Variants in SH3RF3 observed in about 807,000 individuals in gnomAD.
SH3RF3 encodes the protein SH3 domain containing ring finger 3.
In SH3RF3, 29 loss-of-function variants were observed where a neutral mutation model predicts 66.3. That is an observed-to-expected ratio of 0.44 (90% CI 0.33 to 0.60). The LOEUF (loss-of-function observed/expected upper bound fraction) is 0.60, where lower values mean the gene tolerates loss of function less well. Ranked by LOEUF, SH3RF3 falls within the 20% of genes least tolerant of loss-of-function variation. The probability of loss-of-function intolerance (pLI) is 0.04; values close to 1 mark genes in which losing one functional copy is unlikely to be tolerated. For missense variants in SH3RF3, 1,194 were observed against 1,190.9 expected (o/e 1.00, Z -0.04); for synonymous variants, 583 against 532.0 (o/e 1.10, Z -1.32).
intron 1 of SH3RF3, among the ~76,000 whole-genome samples, chr2:109,327,777 A>C (rs927912915): frequency 3.9e-5 from 6 of 152,282 alleles, no homozygotes; most frequent in Non-Finnish European, 7.3e-5. Context: ...CTACTTGTGC[A>C]TGGTAGATAG....
intron 9 of SH3RF3, among the ~76,000 whole-genome samples, chr2:109,494,957 C>T (rs1679221700): frequency 6.6e-6 from 1 of 152,096 alleles, no homozygotes; most frequent in African/African-American, 2.4e-5. Context: ...GTACTGTGAG[C>T]AGCAATCTGG....
intron 4 of SH3RF3, among the ~76,000 whole-genome samples, chr2:109,405,671 A>C (rs1045216421): frequency 6.6e-6 from 1 of 152,136 alleles, no homozygotes; most frequent in Admixed American, 6.5e-5. Flanking sequence ...ACCATCTGAC[A>C]TGTTCACCTC....
chr2:109,366,012 A>G (rs960155547), intron 2 of SH3RF3, among the ~76,000 whole-genome samples: 5 of 152,242 alleles, frequency 3.3e-5, no homozygotes, highest in Non-Finnish European at 5.9e-5. Context: ...TCTGGCATAT[A>G]AGACAATTCT....
chr2:109,303,262 C>T (rs1681513407), intron 1 of SH3RF3, among the ~76,000 whole-genome samples: 1 of 152,230 alleles, frequency 6.6e-6, no homozygotes, highest in Non-Finnish European at 1.5e-5. Flanking sequence ...GACCACCTCC[C>T]TCACATATGC....
At chr2:109,493,204 T>C (rs1679176970) in intron 9 of SH3RF3, among the ~76,000 whole-genome samples, 1 of 148,994 alleles carries the variant, frequency 6.7e-6, no homozygotes, top group Admixed American at 6.7e-5. Flanking sequence ...ACATATATCA[T>C]ATAAACACTC....
intron 1 of SH3RF3, among the ~76,000 whole-genome samples, chr2:109,228,525 C>T (rs193236461): frequency 2.0e-5 from 3 of 152,136 alleles, no homozygotes; most frequent in Non-Finnish European, 4.4e-5. Flanking sequence ...CAGTTCTGAC[C>T]CCTTCCATGT....
rs1683162872 is a variant in SH3RF3 at position 109,367,021 on chromosome 2, T to TTGGTTCACTGCAACTTTCACCTCC, written c.850-4557_850-4534dup. On this transcript the variant is annotated intron_variant, in intron 2 of 9. Coordinates refer to ENST00000309415, the MANE Select transcript of SH3RF3 (RefSeq NM_001099289.3). ...CAGGCTGGAGTGGAGTGGCATGATC[T>TTGGTTCACTGCAACTTTCACCTCC]TGGTTCACTGCAACTTTCACCTCCT... 3.9e-5 allele frequency among the ~76,000 whole-genome samples: 6 copies of TTGGTTCACTGCAACTTTCACCTCC among 152,228 alleles called. No individual in the cohort carries two copies. The South Asian group carries it at 1.2e-3, about 32-fold the overall frequency.
At chr2:109,474,685 CT>C (rs995287928) in intron 8 of SH3RF3, among the ~76,000 whole-genome samples, 2 of 152,238 alleles carry the variant, frequency 1.3e-5, no homozygotes, top group Non-Finnish European at 2.9e-5. Flanking sequence ...CAGCCCCTTA[CT>C]TTTCTCCAAA....
At chr2:109,447,402 A>C (rs1305195565) in intron 7 of SH3RF3, among the ~76,000 whole-genome samples, 1 of 152,186 alleles carries the variant, frequency 6.6e-6, no homozygotes, top group Non-Finnish European at 1.5e-5. Context: ...TGTTAGGATT[A>C]ACGAGTGCAT....
At chr2:109,434,492 G>A (rs1053890475) in intron 6 of SH3RF3, among the ~76,000 whole-genome samples, 8 of 152,228 alleles carry the variant, frequency 5.3e-5, no homozygotes, top group South Asian at 2.1e-4. Context: ...AACTCCTGAC[G>A]TGTGTCAGTC....
chr2:109,481,816 A>C (rs1159234406), intron 8 of SH3RF3, among the ~76,000 whole-genome samples: 1 of 151,928 alleles, frequency 6.6e-6, no homozygotes, highest in African/African-American at 2.4e-5. Flanking sequence ...TCCTGTCTTG[A>C]GGAAGCCCAG....
intron 1 of SH3RF3, among the ~76,000 whole-genome samples, chr2:109,247,383 C>G (rs574290610): frequency 6.6e-6 from 1 of 152,322 alleles, no homozygotes; most frequent in African/African-American, 2.4e-5. Flanking sequence ...CCTAAGTAAC[C>G]TAGCACACTT....
At position 109,245,673 on chromosome 2, in the gene SH3RF3, T is replaced by A. The variant is rs947199621; in HGVS notation, c.574-102001T>A. ...CTTCTTATCCCTTGAACTGAGACCA[T>A]ATTTGTTAAGATTTCTCTCTGAAAT... On this transcript the variant is annotated intron_variant, in intron 1 of 9. Transcript: ENST00000309415. 4.6e-5 allele frequency among the ~76,000 whole-genome samples: 7 copies of A among 152,212 alleles called. 1 individual carries two copies. The highest frequency in any genetic ancestry group is 1.7e-4 in the African/African-American group (7 of 41,456).
At chr2:109,353,869 G>A (rs1682890933) in intron 2 of SH3RF3, among the ~76,000 whole-genome samples, 1 of 152,112 alleles carries the variant, frequency 6.6e-6, no homozygotes, top group African/African-American at 2.4e-5. Context: ...GTGGCCGCAG[G>A]TTCCCCTCAG....
intron 1 of SH3RF3, among the ~76,000 whole-genome samples, chr2:109,139,029 G>T (rs1238405026): frequency 6.6e-6 from 1 of 152,198 alleles, no homozygotes; most frequent in Non-Finnish European, 1.5e-5. Context: ...GGGACGTGGA[G>T]TCATGGGTGA....
intron 1 of SH3RF3, among the ~76,000 whole-genome samples, chr2:109,248,028 A>G (rs1342561085): frequency 1.3e-5 from 2 of 152,190 alleles, no homozygotes; most frequent in Admixed American, 6.5e-5. Flanking sequence ...CCAAATCTAG[A>G]GGCAACCTTG....
intron 8 of SH3RF3, among the ~76,000 whole-genome samples, chr2:109,481,208 G>A (rs142360674): frequency 2.0e-5 from 3 of 152,206 alleles, no homozygotes; most frequent in Non-Finnish European, 4.4e-5. Context: ...CCCTGCAGAC[G>A]TCAGGTTGGG....
intron 1 of SH3RF3, among the ~76,000 whole-genome samples, chr2:109,302,518 C>T (rs1227499608): frequency 1.3e-5 from 2 of 152,246 alleles, no homozygotes; most frequent in Non-Finnish European, 2.9e-5. Context: ...ACCGAAGATG[C>T]TCCACAGCCC....
chr2:109,245,248 T>G (rs1243882216), intron 1 of SH3RF3, among the ~76,000 whole-genome samples: 1 of 151,956 alleles, frequency 6.6e-6, no homozygotes, highest in Non-Finnish European at 1.5e-5. Context: ...TGCTCTGAGG[T>G]TTTCAGACCA....
Sources: gnomAD v4.1 joint callset for allele counts (sites outside exome capture counted in the v4.1 genomes callset) on GRCh38, gnomAD v4.1.1 for gene constraint, MANE v1.5 for transcripts, NCBI Gene and HGNC (gene_info 2026-07-23, HGNC 2026-07-21) for gene names.